Variants in R3HDM1 observed in about 807,000 individuals in gnomAD.
The protein encoded by R3HDM1 is R3H domain containing 1, also known as R3H domain-containing protein 1.
A neutral mutation model predicts 141.1 loss-of-function variants in R3HDM1; 46 were observed. The ratio of observed to expected loss-of-function variants is 0.33; its 90% CI spans 0.26 to 0.42. The LOEUF is 0.42. R3HDM1 is among the 10% of genes least tolerant of loss of function. R3HDM1 has a pLI of 1.00. For missense variants in R3HDM1, 1,184 were observed against 1,368.3 expected (o/e 0.87, Z 2.12); for synonymous variants, 435 against 472.9 (o/e 0.92, Z 1.04).
chr2:135,669,656 A>G (rs192954563), intron 19 of R3HDM1: 155 of 826,864 alleles, frequency 1.9e-4, no homozygotes, highest in Admixed American at 1.7e-3. Context: ...TCTCAGCTAC[A>G]CATTTGATAG....
chr2:135,535,499 A>AAAATAAATAAATAAAT (rs3050151), intron 1 of R3HDM1, among the ~76,000 whole-genome samples: 15 of 143,770 alleles, frequency 1.0e-4, no homozygotes, highest in South Asian at 2.3e-4. Flanking sequence ...CTTTGTCTCA[A>AAAATAAATAAATAAAT]AAATAAATAA....
chr2:135,596,981 C>G (rs1377439301), intron 1 of R3HDM1: 1 of 970,946 alleles, frequency 1.0e-6, no homozygotes, highest in Non-Finnish European at 1.2e-6. Context: ...AAATTGTTTT[C>G]TAAAGTGGAT....
intron 14 of R3HDM1, 103 bp from the exon 15 acceptor site, chr2:135,641,433 A>T (rs1025761513): frequency 6.3e-6 from 8 of 1,278,424 alleles, no homozygotes; most frequent in Non-Finnish European, 8.6e-6. Flanking sequence ...GCTTTTATGT[A>T]GTAACTGCAT....
At chr2:135,548,635 A>G (rs1212423102) in intron 1 of R3HDM1, among the ~76,000 whole-genome samples, 1 of 151,462 alleles carries the variant, frequency 6.6e-6, no homozygotes, top group Admixed American at 6.6e-5. Flanking sequence ...CTTTTCCATC[A>G]TATATTTGGC....
At chr2:135,672,625 G>A (rs1574912540) in intron 19 of R3HDM1, among the ~76,000 whole-genome samples, 1 of 152,076 alleles carries the variant, frequency 6.6e-6, no homozygotes, top group Admixed American at 6.5e-5. Flanking sequence ...AACCCAGATG[G>A]TGTCCTTTTT....
intron 6 of R3HDM1, chr2:135,622,353 G>A: frequency 1.0e-6 from 1 of 984,076 alleles, no homozygotes; most frequent in Non-Finnish European, 1.2e-6. Context: ...ATGAGGTTGT[G>A]GTGAGTATAT....
chr2:135,714,066 G>A (rs181640706), intron 23 of R3HDM1, among the ~76,000 whole-genome samples: 1 of 151,188 alleles, frequency 6.6e-6, no homozygotes, highest in Non-Finnish European at 1.5e-5. Flanking sequence ...AAAACTAGTG[G>A]GTGAAATTCT....
chr2:135,690,711 G>C (rs969205878), intron 21 of R3HDM1, among the ~76,000 whole-genome samples: 16 of 112,950 alleles, frequency 1.4e-4, no homozygotes, highest in African/African-American at 6.8e-4. Flanking sequence ...ATATAAAAGA[G>C]GTTTTTTTTG....
At chr2:135,561,876 C>T (rs1701868570) in intron 1 of R3HDM1, among the ~76,000 whole-genome samples, 1 of 152,114 alleles carries the variant, frequency 6.6e-6, no homozygotes, top group South Asian at 2.1e-4. Context: ...AATAAAATGA[C>T]CGTTAAAGAA....
At chr2:135,536,153 T>C (rs1696051778) in intron 1 of R3HDM1, among the ~76,000 whole-genome samples, 1 of 151,962 alleles carries the variant, frequency 6.6e-6, no homozygotes, top group Non-Finnish European at 1.5e-5. Flanking sequence ...TTTTTATTTT[T>C]TTAAGAGACA....
At chr2:135,722,341 G>A in intron 25 of R3HDM1, 128 bp from the exon 26 acceptor site, 1 of 906,512 alleles carries the variant, frequency 1.1e-6, no homozygotes, top group South Asian at 1.7e-5. Flanking sequence ...CAGAAGGCCT[G>A]GGACTGATTT....
At chr2:135,554,153 TA>T (rs1243660353) in intron 1 of R3HDM1, among the ~76,000 whole-genome samples, 1 of 152,196 alleles carries the variant, frequency 6.6e-6, no homozygotes, top group East Asian at 1.9e-4. Flanking sequence ...AGAAACCCCA[TA>T]CCCATTAGCA....
At chr2:135,563,207 A>C (rs946509028) in intron 1 of R3HDM1, among the ~76,000 whole-genome samples, 1 of 152,234 alleles carries the variant, frequency 6.6e-6, no homozygotes, top group African/African-American at 2.4e-5. Flanking sequence ...AAATGCGTGC[A>C]TGTGTGTCAC....
At chr2:135,549,228 T>C (rs189573834) in intron 1 of R3HDM1, among the ~76,000 whole-genome samples, 102 of 152,218 alleles carry the variant, frequency 6.7e-4, no homozygotes, top group African/African-American at 2.4e-3. Flanking sequence ...ACATATTGTA[T>C]GGTTTGGTTT....
chr2:135,551,568 T>C (rs1699859896), intron 1 of R3HDM1, among the ~76,000 whole-genome samples: 1 of 152,204 alleles, frequency 6.6e-6, no homozygotes, highest in Non-Finnish European at 1.5e-5. Context: ...ACGAAATAAT[T>C]GAGTGTACAT....
chr2:135,589,240 A>G (rs914292317), intron 1 of R3HDM1, among the ~76,000 whole-genome samples: 1 of 152,250 alleles, frequency 6.6e-6, no homozygotes, highest in Non-Finnish European at 1.5e-5. Context: ...AGTTATATAT[A>G]TAAAGTATTC....
intron 7 of R3HDM1, among the ~76,000 whole-genome samples, chr2:135,626,181 T>TTGCGTGCG (rs1161583452): frequency 2.1e-4 from 29 of 135,924 alleles, no homozygotes; most frequent in East Asian, 2.1e-3. Context: ...AACTGCTTGC[T>TTGCGTGCG]TGCGTGCGTG....
chr2:135,621,695 A>G, intron 6 of R3HDM1, 87 bp downstream of exon 6: 1 of 1,373,718 alleles, frequency 7.3e-7, no homozygotes, highest in Non-Finnish European at 9.5e-7. Flanking sequence ...TATATAGTAT[A>G]TCTTTATGTA....
chr2:135,660,255 TG>T (rs1553608324), intron 18 of R3HDM1, among the ~76,000 whole-genome samples: 1 of 152,118 alleles, frequency 6.6e-6, no homozygotes, highest in Non-Finnish European at 1.5e-5. Context: ...TGGTTTTTTT[TG>T]GGGGGGATTT....
Sources: allele counts gnomAD v4.1 joint callset (sites outside exome capture counted in the v4.1 genomes callset), GRCh38; gene constraint gnomAD v4.1.1; transcripts MANE v1.5; gene names NCBI Gene and HGNC (gene_info 2026-07-23, HGNC 2026-07-21).